The following MYO5B variants were observed in gnomAD, a reference collection of about 807,000 sequenced individuals.
MYO5B encodes unconventional myosin-Vb.
MYO5B carries 143 observed loss-of-function variants against 229.3 expected under a neutral mutation model. The observed-to-expected ratio is 0.62, with a 90% CI of 0.54 to 0.72. MYO5B has a LOEUF of 0.72. MYO5B is among the 30% of genes least tolerant of loss of function. The probability of loss-of-function intolerance (pLI) is 0.00; values close to 1 mark genes in which losing one functional copy is unlikely to be tolerated. For synonymous variants in MYO5B, 918 were observed against 885.2 expected, an observed-to-expected ratio of 1.04 and a Z score of -0.66; for missense variants, 2,321 against 2,331.0, an observed-to-expected ratio of 1.00 and a Z score of 0.09.
In MYO5B at chr18:50,016,457, T is replaced by C. The variant is rs148448457; in HGVS notation, c.456-15046A>G. On this transcript the variant is annotated intron_variant, in intron 4 of 39. Transcript: ENST00000285039. ...AATTCTTTAACATAATGTGTATCTA[T>C]GAAATACAAACCAAACTTCTTGGAC... Among the ~76,000 whole-genome samples the C allele has an allele frequency of 1.4e-4, 22 of 152,344 alleles. No individual in the cohort carries two copies. The East Asian group carries it at 2.9e-3, about 20-fold the overall frequency.
At chr18:50,046,422 C>T (rs1309322991) in intron 2 of MYO5B, among the ~76,000 whole-genome samples, 4 of 152,198 alleles carry the variant, frequency 2.6e-5, no homozygotes, top group South Asian at 2.1e-4. Context: ...CACTTGACTT[C>T]CAGGAAACTC....
At chr18:50,184,675 C>T (rs2144353890) in intron 1 of MYO5B, among the ~76,000 whole-genome samples, 1 of 152,128 alleles carries the variant, frequency 6.6e-6, no homozygotes, top group South Asian at 2.1e-4. Flanking sequence ...AAATACATGC[C>T]AAGGTGCTTT....
At position 50,036,949 on chromosome 18, in the gene MYO5B, T is replaced by C. The variant is rs2144383876; in HGVS notation, c.356A>G (p.Tyr119Cys). The C allele has an allele frequency of 6.2e-7, 1 of 1,614,132 alleles. No individual in the cohort carries two copies. The highest frequency in any genetic ancestry group is 8.5e-7 in the Non-Finnish European group (1 of 1,180,004). ...AINPYEQLPIYGQDVIYTYSG... is the reference protein window; with the variant it reads ...AINPYEQLPICGQDVIYTYSG... ...GTAGGTATAGATGACATCTTGTCCA[T>C]AGATTGGCAACTGTTCATAAGGATT... is the stretch of plus-strand genomic sequence containing the variant. The change falls in exon 4 of 40, where the codon TAT (tyrosine) becomes TGT (cysteine). Residue 119 changes from tyrosine to cysteine, a missense_variant. Around this residue, in one of 2 missense-constraint regions of MYO5B, gnomAD observed 2,113 missense variants for 2,044.7 expected, o/e 1.03. Transcript: ENST00000285039.
chr18:50,100,647 G>A (rs986274158), intron 1 of MYO5B, among the ~76,000 whole-genome samples: 6 of 152,194 alleles, frequency 3.9e-5, no homozygotes, highest in African/African-American at 1.4e-4. Context: ...CTCAGGCACA[G>A]TCACTGGGGG....
intron 1 of MYO5B, among the ~76,000 whole-genome samples, chr18:50,134,513 C>T (rs2032305177): frequency 6.6e-6 from 1 of 151,654 alleles, no homozygotes; most frequent in South Asian, 2.1e-4. Context: ...CGAGATCGCG[C>T]CATTGCACTC....
chr18:50,016,555 CA>C (rs2026217461), intron 4 of MYO5B, among the ~76,000 whole-genome samples: 1 of 152,184 alleles, frequency 6.6e-6, no homozygotes, highest in Non-Finnish European at 1.5e-5. Flanking sequence ...TCACTTTATC[CA>C]ATCTAGGCTA....
chr18:49,967,344 A>G (rs920156557), intron 10 of MYO5B, among the ~76,000 whole-genome samples: 1 of 152,186 alleles, frequency 6.6e-6, no homozygotes, highest in African/African-American at 2.4e-5. Context: ...TTAATGATCA[A>G]CCTCCTTGAA....
At chr18:50,025,264 C>T (rs1301095442) in intron 4 of MYO5B, among the ~76,000 whole-genome samples, 2 of 152,196 alleles carry the variant, frequency 1.3e-5, no homozygotes, top group African/African-American at 4.8e-5. Context: ...AGGTCAAGAC[C>T]TGCATATCAG....
chr18:50,121,773 C>T (rs1462391873), intron 1 of MYO5B, among the ~76,000 whole-genome samples: 1 of 152,224 alleles, frequency 6.6e-6, no homozygotes, highest in Non-Finnish European at 1.5e-5. Flanking sequence ...ACCACTGCAG[C>T]TGCCACAGCC....
chr18:49,880,526 G>A, intron 22 of MYO5B, 71 bp from the exon 23 acceptor site: 1 of 1,199,300 alleles, frequency 8.3e-7, no homozygotes, highest in Non-Finnish European at 1.2e-6. Flanking sequence ...TGTGGGATTT[G>A]AATTTTAACT....
chr18:49,953,786 C>A (rs1699283916), intron 13 of MYO5B, among the ~76,000 whole-genome samples: 1 of 152,176 alleles, frequency 6.6e-6, no homozygotes, highest in African/African-American at 2.4e-5. Context: ...GCTACACAGG[C>A]TCCAGGTAAG....
intron 1 of MYO5B, among the ~76,000 whole-genome samples, chr18:50,189,673 C>T (rs577734932): frequency 3.9e-5 from 6 of 152,178 alleles, no homozygotes; most frequent in Non-Finnish European, 8.8e-5. Context: ...ATGTCTTTAA[C>T]ACTGTCACCA....
chr18:50,032,452 T>C (rs1033652537), intron 4 of MYO5B, among the ~76,000 whole-genome samples: 4 of 152,204 alleles, frequency 2.6e-5, no homozygotes, highest in African/African-American at 4.8e-5. Flanking sequence ...TTTATAGAAA[T>C]GGAATTAGAC....
chr18:50,032,430 T>C (rs1336851498), intron 4 of MYO5B, among the ~76,000 whole-genome samples: 2 of 152,248 alleles, frequency 1.3e-5, no homozygotes, highest in African/African-American at 2.4e-5. Flanking sequence ...TAGATTTGCC[T>C]ATTCTGGACA....
intron 14 of MYO5B, among the ~76,000 whole-genome samples, chr18:49,941,865 G>A (rs1453209740): frequency 5.7e-3 from 687 of 120,122 alleles, no homozygotes; most frequent in Middle Eastern, 7.5e-3. Flanking sequence ...AGCCCGCATT[G>A]CCAAGTCAAT....
intron 9 of MYO5B, among the ~76,000 whole-genome samples, 193 bp downstream of exon 9, chr18:49,980,251 A>G (rs977685412): frequency 2.0e-5 from 3 of 152,238 alleles, no homozygotes; most frequent in African/African-American, 7.2e-5. Flanking sequence ...TGTCCTCGGC[A>G]ACAGAAACTT....
At chr18:49,863,423 G>T in intron 28 of MYO5B, 96 bp from the exon 29 acceptor site, 1 of 1,023,418 alleles carries the variant, frequency 9.8e-7, no homozygotes, top group Non-Finnish European at 1.5e-6. Context: ...TTTGGGAAAA[G>T]ACAAAGGCCT....
At chr18:49,988,155 G>A (rs973190171) in intron 7 of MYO5B, among the ~76,000 whole-genome samples, 2 of 152,220 alleles carry the variant, frequency 1.3e-5, no homozygotes, top group Middle Eastern at 3.2e-3. Flanking sequence ...TGAATTGCGT[G>A]TTTTGGGTGA....
At chr18:49,892,183 C>G (rs1787616) in intron 22 of MYO5B, among the ~76,000 whole-genome samples, 1 of 152,064 alleles carries the variant, frequency 6.6e-6, no homozygotes, top group Non-Finnish European at 1.5e-5. Context: ...TCAAAAAGAA[C>G]GAAATGTACA....
Sources: allele counts gnomAD v4.1 joint callset (sites outside exome capture counted in the v4.1 genomes callset), GRCh38; gene constraint gnomAD v4.1.1; regional missense constraint gnomAD v4.1.1; transcripts MANE v1.5; gene names NCBI Gene and HGNC (gene_info 2026-07-23, HGNC 2026-07-21).